Variants in SLC35F1 observed in about 807,000 individuals in gnomAD.
SLC35F1 encodes the protein chromosome 6 open reading frame 169.
SLC35F1 carries 14 observed loss-of-function variants against 48.7 expected under a neutral mutation model. That is an observed-to-expected ratio of 0.29 (90% CI 0.19 to 0.45). The LOEUF (loss-of-function observed/expected upper bound fraction) is 0.45. Ranked by LOEUF, SLC35F1 falls within the 20% of genes least tolerant of loss-of-function variation. SLC35F1 has a pLI of 1.00. For missense variants in SLC35F1, 404 were observed against 500.0 expected, an observed-to-expected ratio of 0.81 and a Z score of 1.83; for synonymous variants, 190 against 202.2, an observed-to-expected ratio of 0.94 and a Z score of 0.51.
intron 1 of SLC35F1, among the ~76,000 whole-genome samples, chr6:118,076,950 G>A (rs548316022): frequency 1.3e-4 from 20 of 151,904 alleles, no homozygotes; most frequent in East Asian, 9.7e-4. Context: ...TTGTGCAACC[G>A]TATTTTAGTT....
At chr6:117,916,897 A>AATTC (rs1775833301) in intron 1 of SLC35F1, among the ~76,000 whole-genome samples, 2 of 152,252 alleles carry the variant, frequency 1.3e-5, no homozygotes, top group Non-Finnish European at 2.9e-5. Flanking sequence ...GAGTCAGGTT[A>AATTC]GAGGCACAAT....
intron 1 of SLC35F1, among the ~76,000 whole-genome samples, chr6:118,112,616 A>G (rs1385188184): frequency 6.6e-6 from 1 of 152,192 alleles, no homozygotes; most frequent in Non-Finnish European, 1.5e-5. Flanking sequence ...TAACACTTGC[A>G]CTACCTGTGA....
chr6:118,058,223 A>G (rs1772489436), intron 1 of SLC35F1, among the ~76,000 whole-genome samples: 1 of 152,142 alleles, frequency 6.6e-6, no homozygotes, highest in Admixed American at 6.6e-5. Flanking sequence ...TTAAGCGACT[A>G]TGGTAAAAAT....
chr6:118,200,673 TACCCC>T (rs1010516448), intron 2 of SLC35F1, among the ~76,000 whole-genome samples: 4 of 152,220 alleles, frequency 2.6e-5, no homozygotes, highest in Non-Finnish European at 2.9e-5. Context: ...ATTTCTGTTA[TACCCC>T]AGTGTGTTAG....
At chr6:118,200,885 G>T (rs1045023831) in intron 2 of SLC35F1, among the ~76,000 whole-genome samples, 4 of 151,794 alleles carry the variant, frequency 2.6e-5, no homozygotes, top group Non-Finnish European at 4.4e-5. Flanking sequence ...TCTGTTTTTT[G>T]ATTTGGTTTG....
chr6:117,979,873 G>A (rs1190422932), intron 1 of SLC35F1, among the ~76,000 whole-genome samples: 1 of 152,182 alleles, frequency 6.6e-6, no homozygotes, highest in Admixed American at 6.5e-5. Context: ...AGCATGATGG[G>A]ATGATGGAGC....
At chr6:117,993,780 G>C (rs1281931559) in intron 1 of SLC35F1, among the ~76,000 whole-genome samples, 1 of 152,098 alleles carries the variant, frequency 6.6e-6, no homozygotes, top group African/African-American at 2.4e-5. Flanking sequence ...ATTTATCCAT[G>C]ACATATCCTC....
At chr6:118,248,943 T>A (rs1211055625) in intron 3 of SLC35F1, among the ~76,000 whole-genome samples, 1 of 152,132 alleles carries the variant, frequency 6.6e-6, no homozygotes, top group Non-Finnish European at 1.5e-5. Context: ...CTGAATGGTA[T>A]TAGTGCCCTT....
chr6:118,254,786 C>A (rs1302236467), intron 3 of SLC35F1, among the ~76,000 whole-genome samples: 1 of 152,088 alleles, frequency 6.6e-6, no homozygotes, highest in African/African-American at 2.4e-5. Context: ...TGTGTACTTG[C>A]TTTAATGTTA....
At chr6:118,067,374 G>A (rs149428545) in intron 1 of SLC35F1, among the ~76,000 whole-genome samples, 1 of 152,294 alleles carries the variant, frequency 6.6e-6, no homozygotes, top group Non-Finnish European at 1.5e-5. Flanking sequence ...AGTCATCAAG[G>A]TTTAGGTTGA....
At chr6:117,970,461 A>G (rs1776624175) in intron 1 of SLC35F1, among the ~76,000 whole-genome samples, 1 of 152,198 alleles carries the variant, frequency 6.6e-6, no homozygotes, top group South Asian at 2.1e-4. Flanking sequence ...GTGTCTTTTC[A>G]GTTAGTCTCT....
chr6:118,142,408 C>CTTTCT (rs1773904223), intron 1 of SLC35F1, among the ~76,000 whole-genome samples: 1 of 152,306 alleles, frequency 6.6e-6, no homozygotes, highest in Admixed American at 6.5e-5. Context: ...GCCTCAAGGG[C>CTTTCT]TTTCTTTCCC....
At chr6:118,204,047 T>A (rs1472578390) in intron 2 of SLC35F1, among the ~76,000 whole-genome samples, 1 of 151,240 alleles carries the variant, frequency 6.6e-6, no homozygotes, top group Admixed American at 6.6e-5. Context: ...ATAATTAGGA[T>A]GGAGGGCCTA....
intron 1 of SLC35F1, among the ~76,000 whole-genome samples, chr6:118,133,853 C>A (rs750656782): frequency 6.6e-6 from 1 of 152,338 alleles, no homozygotes; most frequent in African/African-American, 2.4e-5. Flanking sequence ...TCTCAGGAGG[C>A]CCAGTGCCTG....
intron 1 of SLC35F1, among the ~76,000 whole-genome samples, chr6:118,119,575 C>A (rs1562295746): frequency 7.2e-6 from 1 of 138,242 alleles, no homozygotes; most frequent in Non-Finnish European, 1.5e-5. Context: ...CGTATTTCGG[C>A]TCACTGCAAC....
At chr6:118,285,475 T>A in intron 7 of SLC35F1, 137 bp downstream of exon 7, 1 of 935,430 alleles carries the variant, frequency 1.1e-6, no homozygotes, top group Non-Finnish European at 1.7e-6. Flanking sequence ...ACCTCCATGA[T>A]TTAGGTATTC....
chr6:117,998,831 C>A, intron 1 of SLC35F1: 2 of 523,624 alleles, frequency 3.8e-6, no homozygotes, highest in South Asian at 4.1e-5. Flanking sequence ...CAGGAAAGAT[C>A]CAAAATTGAC....
chr6:118,300,981 C>T (rs370783249), intron 7 of SLC35F1, among the ~76,000 whole-genome samples: 94 of 152,230 alleles, frequency 6.2e-4, no homozygotes, highest in African/African-American at 2.1e-3. Flanking sequence ...TGTTCCATTG[C>T]TCTGTGGAGG....
At chr6:118,215,114 A>G (rs960090995) in intron 2 of SLC35F1, among the ~76,000 whole-genome samples, 5 of 152,102 alleles carry the variant, frequency 3.3e-5, no homozygotes, top group Non-Finnish European at 7.4e-5. Flanking sequence ...CCCTTGGCTC[A>G]GGCAAAGTGG....
Sources: allele counts gnomAD v4.1 joint callset (sites outside exome capture counted in the v4.1 genomes callset), GRCh38; gene constraint gnomAD v4.1.1; transcripts MANE v1.5; gene names NCBI Gene and HGNC (gene_info 2026-07-23, HGNC 2026-07-21).